The following MXRA5 variants were observed in gnomAD, a reference collection of about 807,000 sequenced individuals.
MXRA5 encodes the protein matrix remodeling associated 5, also known as matrix-remodeling-associated protein 5.
MXRA5 carries 41 observed loss-of-function variants against 112.5 expected under a neutral mutation model. That is an observed-to-expected ratio of 0.36 (90% CI 0.28 to 0.47). The LOEUF is 0.47. Ranked by LOEUF, MXRA5 falls within the 20% of genes least tolerant of loss-of-function variation. The pLI, the probability that MXRA5 is intolerant of heterozygous loss-of-function variation, is 0.99. For synonymous variants in MXRA5, 862 were observed against 900.8 expected (o/e 0.96, Z 0.77); for missense variants, 2,150 against 2,251.0 (o/e 0.96, Z 0.91).
intron 1 of MXRA5, among the ~76,000 whole-genome samples, 189 bp downstream of exon 1, chrX:3,346,326 G>A (rs1922107999): frequency 1.8e-5 from 2 of 112,360 alleles, no homozygotes; most frequent in Admixed American, 1.9e-4. Context: ...CTGATCCTTA[G>A]CTACTTAAAA....
At chrX:3,343,190 T>C (rs1922028507) in intron 2 of MXRA5, among the ~76,000 whole-genome samples, 1 of 112,815 alleles carries the variant, frequency 8.9e-6, no homozygotes. Context: ...GGAACTCTTT[T>C]ATTGCCTCAA....
At chrX:3,325,187 T>G (rs1410100690) in intron 4 of MXRA5, among the ~76,000 whole-genome samples, 1 of 111,554 alleles carries the variant, frequency 9.0e-6, no homozygotes, top group Non-Finnish European at 1.9e-5. Flanking sequence ...TTATAACTGC[T>G]TAACCATTAA....
rs748320635 is a variant in MXRA5, at chrX:3,330,310, G to C, written c.417C>G (p.Ile139Met). The change falls in exon 4 of 7, where the codon ATC becomes ATG. Residue 139 changes from isoleucine to methionine, a missense_variant. Ile to Met is a conservative substitution (Grantham distance 10, BLOSUM62 1). Coordinates refer to ENST00000217939, the MANE Select transcript of MXRA5 (RefSeq NM_015419.4). ...TGAAAGCTTGAGGGTGGATAAACTC[G>C]ATCTTGTTGTGGTCAATGTGCAGCC... is the stretch of plus-strand genomic sequence containing the variant. ...LMRLHIDHNK[I>M]EFIHPQAFNG... 5 of 1,208,889 alleles carry C rather than the reference G, an allele frequency of 4.1e-6. No individual in the cohort carries two copies. The highest frequency in any genetic ancestry group is 4.5e-6 in the Non-Finnish European group (4 of 894,939).
intron 2 of MXRA5, among the ~76,000 whole-genome samples, chrX:3,338,706 G>T (rs1212894541): frequency 9.0e-6 from 1 of 110,675 alleles, no homozygotes; most frequent in Non-Finnish European, 1.9e-5. Context: ...TAGGTGATAG[G>T]CAGACAGATG....
chrX:3,327,511 T>C (rs1377144939), intron 4 of MXRA5, among the ~76,000 whole-genome samples: 4 of 112,315 alleles, frequency 3.6e-5, no homozygotes, highest in African/African-American at 1.3e-4. Flanking sequence ...TCACTGCACT[T>C]TTAGAAAAGA....
chrX:3,311,263 C>T lies in MXRA5; in HGVS notation c.6940G>A (p.Val2314Met), dbSNP rs753009737. Reference protein sequence around the residue: ...FNNGTLYFNEVGMREEGDYTC... With the variant: ...FNNGTLYFNEMGMREEGDYTC... ...TAGTCTCCTTCCTCCCTCATCCCCA[C>T]TTCGTTAAAGTAGAGTGTCCCATTG... is the stretch of plus-strand genomic sequence containing the variant. The change falls in exon 7 of 7, where the codon GTG (valine) becomes ATG (methionine). Residue 2314 changes from valine to methionine, a missense_variant. This residue lies in a region of MXRA5 where 1,485 missense variants were observed against 1,471.6 expected (regional missense o/e 1.01). Coordinates refer to ENST00000217939, the MANE Select transcript of MXRA5 (RefSeq NM_015419.4). 1.2e-5 allele frequency: 14 copies of T among 1,211,847 alleles called. No individual in the cohort carries two copies. Among genetic ancestry groups the T allele is most frequent in the Non-Finnish European group, 1.6e-5 (14 of 895,567 alleles).
At chrX:3,332,171 T>A (rs756278653) in intron 2 of MXRA5, among the ~76,000 whole-genome samples, 2 of 112,478 alleles carry the variant, frequency 1.8e-5, no homozygotes, top group Non-Finnish European at 3.8e-5. Flanking sequence ...AGGAAATTTA[T>A]AAGCTCTACC....
chrX:3,316,497 T>TAATAATAATAATAA (rs1555943622), intron 6 of MXRA5, among the ~76,000 whole-genome samples: 1 of 85,079 alleles, frequency 1.2e-5, no homozygotes, highest in Non-Finnish European at 2.2e-5. Context: ...CTACAAAAAG[T>TAATAATAATAATAA]TAATAATAAT....
At chrX:3,325,436 CAA>C (rs987881411) in intron 4 of MXRA5, among the ~76,000 whole-genome samples, 4 of 95,014 alleles carry the variant, frequency 4.2e-5, no homozygotes, top group African/African-American at 1.5e-4. Context: ...ATATATATAC[CAA>C]TATATATTAA....
Position 3,311,557 on chromosome X carries a change from C to T in MXRA5, c.6646G>A (p.Ala2216Thr). The change falls in exon 7 of 7, where the codon GCC (alanine) becomes ACC (threonine). Residue 2216 changes from alanine (A) to threonine (T), a missense_variant. By Grantham distance (58) the Ala-to-Thr change is moderately conservative. Around this residue, in one of 6 missense-constraint regions of MXRA5, gnomAD observed 1,485 missense variants for 1,471.6 expected, o/e 1.01. Transcript: ENST00000217939. ...LVVKSVTDKD[A>T]GDYLCVARNK... ...CGAGCTACGCACAGGTAATCTCCGG[C>T]ATCTTTGTCCGTCACTGATTTCACC... is the stretch of plus-strand genomic sequence containing the variant. 8.3e-6 allele frequency: 10 copies of T among 1,211,908 alleles called. No individual in the cohort carries two copies. Among genetic ancestry groups the T allele is most frequent in the Non-Finnish European group, 1.0e-5 (9 of 895,624 alleles).
intron 4 of MXRA5, among the ~76,000 whole-genome samples, chrX:3,329,091 A>AAG (rs1921584843): frequency 1.1e-5 from 1 of 94,587 alleles, no homozygotes; most frequent in African/African-American, 4.0e-5. Flanking sequence ...AGGAGGAGGG[A>AAG]ATGAAGGAAG....
chrX:3,337,642 G>A (rs1921812257), intron 2 of MXRA5, among the ~76,000 whole-genome samples: 1 of 111,973 alleles, frequency 8.9e-6, no homozygotes, highest in African/African-American at 3.2e-5. Flanking sequence ...TGAAGTATGT[G>A]TTAAAACAGC....
chrX:3,309,861 G>C lies in MXRA5; in HGVS notation c.8342C>G (p.Ala2781Gly). ...AAGAAATCTGTTTCCATACAGACGA[G>C]CCTGAACCCCTGCCTTCAGATGCGA... ...DKSHLKAGVQ[A>G]RLYGNRFLHP... The change falls in exon 7 of 7, where the codon GCT (alanine) becomes GGT (glycine). Residue 2781 changes from alanine to glycine, a missense_variant. Transcript: ENST00000217939. 1 of 1,211,677 alleles carries C rather than the reference G, an allele frequency of 8.3e-7. No individual in the cohort carries two copies. The highest frequency in any genetic ancestry group is 1.1e-6 in the Non-Finnish European group (1 of 895,517).
At chrX:3,340,652 G>A (rs1921895888) in intron 2 of MXRA5, among the ~76,000 whole-genome samples, 1 of 110,713 alleles carries the variant, frequency 9.0e-6, no homozygotes, top group Admixed American at 9.9e-5. Context: ...TTTATCGTGA[G>A]TTGTTTAAAA....
Position 3,322,723 on chromosome X carries a change from G to T in MXRA5, c.2962C>A (p.Pro988Thr). 1 of 1,211,531 alleles carries T rather than the reference G, an allele frequency of 8.3e-7. No individual in the cohort carries two copies. Among genetic ancestry groups the T allele is most frequent in the Non-Finnish European group, 1.1e-6 (1 of 895,519 alleles). The change falls in exon 5 of 7, where the codon CCA (proline) becomes ACA (threonine). Residue 988 changes from proline to threonine, a missense_variant. Around this residue, in one of 6 missense-constraint regions of MXRA5, gnomAD observed 1,485 missense variants for 1,471.6 expected, o/e 1.01. Coordinates refer to ENST00000217939, the MANE Select transcript of MXRA5 (RefSeq NM_015419.4). ...FDPDLETKSQ[P>T]DEDKMKEDTF... ...TCTTCTTTCATCTTATCCTCATCTG[G>T]TTGTGACTTAGTCTCCAAATCTGGG...
intron 5 of MXRA5, among the ~76,000 whole-genome samples, chrX:3,319,041 T>C (rs1479664779): frequency 9.0e-6 from 1 of 111,119 alleles, no homozygotes; most frequent in East Asian, 2.8e-4. Context: ...GATAGTGGAA[T>C]GGTGGTTACC....
At chrX:3,344,119 C>G (rs1170542620) in intron 1 of MXRA5, among the ~76,000 whole-genome samples, 2 of 108,761 alleles carry the variant, frequency 1.8e-5, no homozygotes, top group Non-Finnish European at 3.8e-5. Context: ...GGAAATCTAT[C>G]TTGCACTCTG....
chrX:3,330,423 G>C lies in MXRA5; in HGVS notation c.319-15C>G, dbSNP rs762643186. 1.4e-5 allele frequency: 17 copies of C among 1,174,820 alleles called. No individual in the cohort carries two copies. The highest frequency in any genetic ancestry group is 1.8e-5 in the Non-Finnish European group (16 of 879,966). On this transcript the variant is annotated splice_polypyrimidine_tract_variant and intron_variant, in intron 3 of 6. Transcript: ENST00000217939. ...AACTTGAAAACCTGCAAGGACAGGGGAAAACAAAACAAAACAAAAGGATCC... is the reference window on the plus strand; with the variant it reads ...AACTTGAAAACCTGCAAGGACAGGGCAAAACAAAACAAAACAAAAGGATCC...
At chrX:3,332,972 A>C (rs1192109882) in intron 2 of MXRA5, among the ~76,000 whole-genome samples, 1 of 110,810 alleles carries the variant, frequency 9.0e-6, no homozygotes, top group Non-Finnish European at 1.9e-5. Context: ...AAACCCCATG[A>C]AGCAGGCCAA....
Sources: allele counts gnomAD v4.1 joint callset (sites outside exome capture counted in the v4.1 genomes callset), GRCh38; gene constraint gnomAD v4.1.1; regional missense constraint gnomAD v4.1.1; transcripts MANE v1.5; gene names NCBI Gene and HGNC (gene_info 2026-07-23, HGNC 2026-07-21).